The following CYSLTR2 variants were observed in gnomAD, a reference collection of about 807,000 sequenced individuals.
The protein encoded by CYSLTR2 is cysteinyl leukotriene receptor 2, also known as G-protein coupled receptor GPCR21.
For synonymous variants in CYSLTR2, 179 were observed against 160.8 expected, an observed-to-expected ratio of 1.11 and a Z score of -0.86; for missense variants, 398 against 411.9, an observed-to-expected ratio of 0.97 and a Z score of 0.29.
At chr13:48,665,978 G>T (rs755460912) in intron 1 of CYSLTR2, among the ~76,000 whole-genome samples, 2 of 152,028 alleles carry the variant, frequency 1.3e-5, no homozygotes, top group Non-Finnish European at 2.9e-5. Flanking sequence ...TCTCCTTTGT[G>T]TATCAGCTCT....
At chr13:48,675,839 C>A (rs1222990175) in intron 1 of CYSLTR2, among the ~76,000 whole-genome samples, 1 of 152,174 alleles carries the variant, frequency 6.6e-6, no homozygotes, top group Non-Finnish European at 1.5e-5. Context: ...AGCATAGTAT[C>A]TGGGCCAAAT....
intron 1 of CYSLTR2, among the ~76,000 whole-genome samples, chr13:48,666,447 C>G (rs1953263919): frequency 6.6e-6 from 1 of 152,140 alleles, no homozygotes; most frequent in African/African-American, 2.4e-5. Context: ...ATCTCTCTCT[C>G]AAGACTTGGG....
At chr13:48,688,932 T>C (rs1352600300) in intron 1 of CYSLTR2, among the ~76,000 whole-genome samples, 4 of 152,236 alleles carry the variant, frequency 2.6e-5, no homozygotes, top group Non-Finnish European at 4.4e-5. Context: ...GCTTCCTGAC[T>C]TTTTAATGAT....
At chr13:48,668,810 C>A (rs1241978370) in intron 1 of CYSLTR2, among the ~76,000 whole-genome samples, 1 of 152,070 alleles carries the variant, frequency 6.6e-6, no homozygotes, top group Non-Finnish European at 1.5e-5. Flanking sequence ...TCCCCTGTGT[C>A]CATGTGTTCC....
chr13:48,695,876 T>C (rs988342993), intron 3 of CYSLTR2, among the ~76,000 whole-genome samples: 3 of 152,248 alleles, frequency 2.0e-5, no homozygotes, highest in African/African-American at 4.8e-5. Context: ...CACTGACTTA[T>C]AGGTTTTTAT....
At chr13:48,658,223 T>C (rs1158195374) in intron 1 of CYSLTR2, among the ~76,000 whole-genome samples, 2 of 152,190 alleles carry the variant, frequency 1.3e-5, no homozygotes, top group Non-Finnish European at 2.9e-5. Flanking sequence ...CTGGGTACCC[T>C]CTGTGGCTGC....
intron 3 of CYSLTR2, among the ~76,000 whole-genome samples, chr13:48,695,076 T>C (rs1159986582): frequency 8.6e-6 from 1 of 116,778 alleles, no homozygotes; most frequent in East Asian, 2.3e-4. Flanking sequence ...GCATTTTTTT[T>C]TTTTTTTTTT....
intron 4 of CYSLTR2, among the ~76,000 whole-genome samples, chr13:48,699,862 A>G (rs1012010224): frequency 1.3e-5 from 2 of 152,214 alleles, no homozygotes; most frequent in Non-Finnish European, 2.9e-5. Flanking sequence ...ACAGAAATAC[A>G]AACTACCATC....
chr13:48,658,772 T>C (rs568488409), intron 1 of CYSLTR2, among the ~76,000 whole-genome samples: 1 of 152,252 alleles, frequency 6.6e-6, no homozygotes, highest in Admixed American at 6.5e-5. Flanking sequence ...ATAAGCTTCA[T>C]GAGACTGAGT....
At chr13:48,706,546 G>T in intron 4 of CYSLTR2, 1 of 380,078 alleles carries the variant, frequency 2.6e-6, no homozygotes, top group South Asian at 3.6e-5. Flanking sequence ...AACAGGGTCA[G>T]TAGGTCACAA....
At chr13:48,680,640 G>C (rs1272059405) in intron 1 of CYSLTR2, among the ~76,000 whole-genome samples, 1 of 152,088 alleles carries the variant, frequency 6.6e-6, no homozygotes, top group African/African-American at 2.4e-5. Flanking sequence ...CTCCCATTAA[G>C]GCCGTGGAAA....
intron 1 of CYSLTR2, among the ~76,000 whole-genome samples, chr13:48,657,202 A>G (rs1161874836): frequency 6.6e-6 from 1 of 152,262 alleles, no homozygotes; most frequent in African/African-American, 2.4e-5. Context: ...CATGGAGAAA[A>G]TATAATCTTG....
intron 1 of CYSLTR2, among the ~76,000 whole-genome samples, chr13:48,681,084 C>T (rs773716586): frequency 4.6e-5 from 7 of 151,982 alleles, no homozygotes; most frequent in Non-Finnish European, 8.8e-5. Flanking sequence ...TGTGATTATA[C>T]TCTCCCTACA....
At chr13:48,704,262 C>T (rs547016244) in intron 4 of CYSLTR2, among the ~76,000 whole-genome samples, 28 of 152,238 alleles carry the variant, frequency 1.8e-4, no homozygotes, top group Admixed American at 9.2e-4. Context: ...TGGTGGCCCA[C>T]GCCTATAATC....
chr13:48,670,706 T>G (rs1953402877), intron 1 of CYSLTR2, among the ~76,000 whole-genome samples: 1 of 152,206 alleles, frequency 6.6e-6, no homozygotes, highest in South Asian at 2.1e-4. Flanking sequence ...TGAAGTCAGA[T>G]AGTGTTATGC....
chr13:48,665,480 T>C (rs1392363802), intron 1 of CYSLTR2, among the ~76,000 whole-genome samples: 2 of 152,216 alleles, frequency 1.3e-5, no homozygotes, highest in South Asian at 2.1e-4. Context: ...TTGCTTTATA[T>C]ATTTGGGTGG....
chr13:48,682,975 T>A (rs1953797059), intron 1 of CYSLTR2, among the ~76,000 whole-genome samples: 1 of 152,172 alleles, frequency 6.6e-6, no homozygotes, highest in Non-Finnish European at 1.5e-5. Flanking sequence ...TGAGAACTTG[T>A]GGTATTTGGT....
intron 4 of CYSLTR2, among the ~76,000 whole-genome samples, chr13:48,704,404 G>T (rs955528654): frequency 6.6e-6 from 1 of 152,008 alleles, no homozygotes. Flanking sequence ...ACCTGCAATC[G>T]ATTGTATTGA....
chr13:48,667,232 A>G (rs988294482), intron 1 of CYSLTR2, among the ~76,000 whole-genome samples: 6 of 152,228 alleles, frequency 3.9e-5, no homozygotes, highest in African/African-American at 1.2e-4. Context: ...AGTGATAGCC[A>G]GATGTGGGCT....
Sources: allele counts gnomAD v4.1 joint callset (sites outside exome capture counted in the v4.1 genomes callset), GRCh38; gene constraint gnomAD v4.1.1; transcripts MANE v1.5; gene names NCBI Gene and HGNC (gene_info 2026-07-23, HGNC 2026-07-21).